The following CYP11A1 variants were observed in gnomAD, a reference collection of about 807,000 sequenced individuals.
CYP11A1 encodes the protein cholesterol side-chain cleavage enzyme, mitochondrial.
Under a neutral mutation model 51.9 loss-of-function variants are expected in CYP11A1, and 25 were observed. That is an observed-to-expected ratio of 0.48 (90% CI 0.35 to 0.67). The LOEUF is 0.67. Among genes scored for constraint, CYP11A1 ranks in the 30% least tolerant of loss-of-function variants. The pLI is 0.00. For missense variants in CYP11A1, 578 were observed against 680.9 expected, an observed-to-expected ratio of 0.85 and a Z score of 1.68; for synonymous variants, 245 against 262.1, an observed-to-expected ratio of 0.93 and a Z score of 0.63.
At chr15:74,339,898 A>C in intron 5 of CYP11A1, 145 bp from the exon 6 acceptor site, 1 of 729,864 alleles carries the variant, frequency 1.4e-6, no homozygotes, top group Non-Finnish European at 2.3e-6. Context: ...ATCCTCTGCA[A>C]GAGCAAAACA....
At chr15:74,338,854 C>G (rs2060592291) in intron 7 of CYP11A1, 86 bp from the exon 8 acceptor site, 6 of 1,183,068 alleles carry the variant, frequency 5.1e-6, no homozygotes, top group African/African-American at 3.0e-5. Flanking sequence ...CCCCTGCCCT[C>G]TCACCACCAC....
intron 5 of CYP11A1, among the ~76,000 whole-genome samples, chr15:74,341,885 AC>A (rs2060608507): frequency 6.6e-6 from 1 of 152,230 alleles, no homozygotes; most frequent in South Asian, 2.1e-4. Context: ...GAGGGAGAAG[AC>A]GGCCATCTAC....
intron 6 of CYP11A1, 82 bp downstream of exon 6, chr15:74,339,505 C>A: frequency 6.4e-7 from 1 of 1,564,402 alleles, no homozygotes; most frequent in Non-Finnish European, 8.7e-7. Context: ...ACCAGCCCAT[C>A]CTCGTAACCC....
intron 1 of CYP11A1, 139 bp downstream of exon 1, chr15:74,367,178 C>CAA (rs11350546): frequency 2.7e-4 from 186 of 693,448 alleles, no homozygotes; most frequent in African/African-American, 1.6e-3. Flanking sequence ...ATTGTATTAC[C>CAA]AAAAAAAAAA....
chr15:74,367,279 T>C, intron 1 of CYP11A1, 38 bp downstream of exon 1: 1 of 1,609,604 alleles, frequency 6.2e-7, no homozygotes, highest in Non-Finnish European at 8.5e-7. Flanking sequence ...CCCCTCCTCC[T>C]CCCTGTCCCT....
At position 74,338,282 on chromosome 15, in the gene CYP11A1, T is replaced by C. The variant is rs2279357; in HGVS notation, c.1435-179A>G. 0.68 allele frequency: 517,299 copies of C among 759,048 alleles called. 178,052 individuals are homozygous for C. Among genetic ancestry groups the C allele is most frequent in the Non-Finnish European group, 0.71 (318,136 of 448,984 alleles). The allele number at this position is 759,048 out of a possible 1,614,324, so 47.0% of individuals were successfully genotyped here. On this transcript the variant is annotated intron_variant, in intron 8 of 8. Coordinates refer to ENST00000268053, the MANE Select transcript of CYP11A1 (RefSeq NM_000781.3). ...GATAATGCACCCTTAGTGCTGCATT[T>C]CCTTGATTTAGGCCTAGACCTTAAC...
chr15:74,359,938 A>G (rs2060699625), intron 1 of CYP11A1, among the ~76,000 whole-genome samples: 1 of 152,376 alleles, frequency 6.6e-6, no homozygotes, highest in East Asian at 1.9e-4. Context: ...TGGTTTAATA[A>G]TAATAAAAGC....
intron 1 of CYP11A1, chr15:74,361,883 G>C: frequency 8.9e-7 from 1 of 1,122,862 alleles, no homozygotes; most frequent in Non-Finnish European, 1.4e-6. Context: ...ACGGTTCCCA[G>C]TTTTTCATCT....
intron 1 of CYP11A1, among the ~76,000 whole-genome samples, chr15:74,358,080 G>A (rs961121775): frequency 2.0e-5 from 3 of 152,096 alleles, no homozygotes; most frequent in African/African-American, 7.3e-5. Context: ...ACTACACAAG[G>A]GTCCTCCATC....
intron 3 of CYP11A1, 75 bp from the exon 4 acceptor site, chr15:74,344,067 C>T: frequency 8.4e-7 from 1 of 1,191,534 alleles, no homozygotes; most frequent in Non-Finnish European, 1.2e-6. Flanking sequence ...AGGGACTCCT[C>T]CACCCTCACC....
chr15:74,366,051 G>A (rs995096592), intron 1 of CYP11A1: 2 of 985,522 alleles, frequency 2.0e-6, no homozygotes, highest in Admixed American at 6.1e-5. Context: ...GGGTCGACCC[G>A]GGGGGCGGAT....
At chr15:74,349,739 C>A (rs1391747998) in intron 1 of CYP11A1, among the ~76,000 whole-genome samples, 1 of 151,372 alleles carries the variant, frequency 6.6e-6, no homozygotes, top group Admixed American at 6.6e-5. Flanking sequence ...TTTAAAGAAC[C>A]CGCGAAAAAA....
In CYP11A1 at chr15:74,367,519, G is replaced by T; in HGVS notation, c.67C>A (p.Pro23Thr). Residue 23 changes from proline to threonine, a missense_variant, in exon 1 of 9, where the codon CCC becomes ACC. By Grantham distance (38) the Pro-to-Thr change is conservative (BLOSUM62 -1). Coordinates refer to ENST00000268053, the MANE Select transcript of CYP11A1 (RefSeq NM_000781.3). ...VKGCQTFLSA[P>T]REGLGRLRVP... is the part of the protein sequence containing the mutation. ...CTGAGACGCCCCAGCCCCTCCCTGG[G>T]GGCACTCAGAAAGGTCTGGCAGCCT... is the stretch of plus-strand genomic sequence containing the variant. 1 of 1,614,128 alleles carries T rather than the reference G, an allele frequency of 6.2e-7. No individual in the cohort carries two copies.
Position 74,338,591 on chromosome 15 carries a change from T to A in CYP11A1, c.1414A>T (p.Met472Leu). 1.9e-6 allele frequency: 3 copies of A among 1,614,062 alleles called. No individual in the cohort carries two copies. Among genetic ancestry groups the A allele is most frequent in the Non-Finnish European group, 2.5e-6 (3 of 1,179,988 alleles). The change falls in exon 8 of 9, where the codon ATG (methionine) becomes TTG (leucine). Residue 472 changes from methionine (M) to leucine (L), a missense_variant. By Grantham distance (15) the Met-to-Leu change is conservative. Transcript: ENST00000268053. ...CLGRRIAELE[M>L]TIFLINMLEN... is the part of the protein sequence containing the mutation. ...CTCACATTGATGAGGAAGATGGTCATCTCTAGCTCAGCGATCCGCCGTCCC... is the reference window on the plus strand; with the variant it reads ...CTCACATTGATGAGGAAGATGGTCAACTCTAGCTCAGCGATCCGCCGTCCC...
chr15:74,338,247 C>T, intron 8 of CYP11A1, 144 bp from the exon 9 acceptor site: 1 of 952,032 alleles, frequency 1.1e-6, no homozygotes. Context: ...TGTAACCCTG[C>T]ACAGTGCCTG....
In CYP11A1 at chr15:74,340,539, T is replaced by G. The variant is rs140143874; in HGVS notation, c.991-786A>C. Among the ~76,000 whole-genome samples, 266 of 152,142 alleles carry G rather than the reference T, an allele frequency of 1.7e-3. 1 individual carries two copies. The highest frequency in any genetic ancestry group is 6.1e-3 in the African/African-American group (255 of 41,486). On this transcript the variant is annotated intron_variant, in intron 5 of 8. Coordinates refer to ENST00000268053, the MANE Select transcript of CYP11A1 (RefSeq NM_000781.3). ...TGTCCAACAGACTTAGACACCCACC[T>G]CCCTCCTCCTGGCAGGGGCAACAAT...
rs886051479 is a variant in CYP11A1 at position 74,339,272 on chromosome 15, C to T, written c.1201G>A (p.Asp401Asn). 4.3e-6 allele frequency: 7 copies of T among 1,614,206 alleles called. No individual in the cohort carries two copies. The highest frequency in any genetic ancestry group is 5.9e-6 in the Non-Finnish European group (7 of 1,180,022). ...SVTLQRYLVN[D>N]LVLRDYMIPA... ...ATCATGTAATCTCGAAGAACCAAGTCATTTACAAGATATCTCTGCAGGGTC... is the reference window on the plus strand; with the variant it reads ...ATCATGTAATCTCGAAGAACCAAGTTATTTACAAGATATCTCTGCAGGGTC... The change falls in exon 7 of 9, where the codon GAC (aspartate) becomes AAC (asparagine). Residue 401 changes from aspartate (D) to asparagine (N), a missense_variant. By Grantham distance (23) the Asp-to-Asn change is conservative. Transcript: ENST00000268053.
Position 74,343,837 on chromosome 15 carries a change from T to C in CYP11A1, c.781A>G (p.Lys261Glu). 6.2e-7 allele frequency: 1 copy of C among 1,613,618 alleles called. No homozygotes were observed. The highest frequency in any genetic ancestry group is 8.5e-7 in the Non-Finnish European group (1 of 1,180,038). ...GCAGCCACATGGTCCTTCCAGGTCT[T>C]GGTCCTGAACAGACGGAACAGGTCT... Reference protein sequence around the residue: ...PPDLFRLFRTKTWKDHVAAWD... With the variant: ...PPDLFRLFRTETWKDHVAAWD... Residue 261 changes from lysine to glutamate, a missense_variant, in exon 4 of 9, where the codon AAG becomes GAG. Physicochemically the swap from Lys to Glu is moderately conservative, Grantham distance 56 (BLOSUM62 1). Transcript: ENST00000268053.
intron 1 of CYP11A1, chr15:74,361,730 T>C: frequency 7.9e-7 from 1 of 1,264,974 alleles, no homozygotes; most frequent in Non-Finnish European, 1.2e-6. Context: ...TTCCAGGATT[T>C]ATGTGTCAGG....
Sources: allele counts gnomAD v4.1 joint callset (sites outside exome capture counted in the v4.1 genomes callset), GRCh38; gene constraint gnomAD v4.1.1; transcripts MANE v1.5; gene names NCBI Gene and HGNC (gene_info 2026-07-23, HGNC 2026-07-21).